Variants in TNS1 observed in about 807,000 individuals in gnomAD.
TNS1 encodes tensin 1.
Under a neutral mutation model 168.6 loss-of-function variants are expected in TNS1, and 62 were observed. That is an observed-to-expected ratio of 0.37 (90% CI 0.30 to 0.45). The LOEUF (loss-of-function observed/expected upper bound fraction) is 0.45, where lower values mean the gene tolerates loss of function less well. Among genes scored for constraint, TNS1 ranks in the 20% least tolerant of loss-of-function variants. The pLI, the probability that TNS1 is intolerant of heterozygous loss-of-function variation, is 1.00. For synonymous variants in TNS1, 934 were observed against 933.2 expected (o/e 1.00, Z -0.02); for missense variants, 2,240 against 2,339.4 (o/e 0.96, Z 0.88).
exon 1 of TNS1, chr2:218,010,205 G>A (rs969020771): frequency 1.8e-5 from 7 of 398,896 alleles, no homozygotes; most frequent in Non-Finnish European, 2.7e-5. Context: ...TGCTGACCCC[G>A]AGAGTGGGCG....
Position 217,955,575 on chromosome 2 carries a change from T to C in TNS1, c.186+23190A>G, listed in dbSNP as rs558261416. On this transcript the variant is annotated intron_variant, in intron 3 of 32. Transcript: ENST00000682258. ...CCAACACACACCCCACTGTACTGCCTCAGGCACCAAGTACTCAGTGCCTGG... is the reference window on the plus strand; with the variant it reads ...CCAACACACACCCCACTGTACTGCCCCAGGCACCAAGTACTCAGTGCCTGG... Among the ~76,000 whole-genome samples, 4 of 152,240 alleles carry C rather than the reference T, an allele frequency of 2.6e-5. No homozygotes were observed. The South Asian group carries it at 8.3e-4, about 32-fold the overall frequency.
chr2:217,944,482 A>G (rs1338347035), intron 3 of TNS1, among the ~76,000 whole-genome samples: 3 of 152,140 alleles, frequency 2.0e-5, no homozygotes, highest in East Asian at 3.9e-4. Flanking sequence ...TGATGATGAT[A>G]ATAATAATAA....
chr2:217,969,473 C>T (rs1957725721), intron 3 of TNS1, among the ~76,000 whole-genome samples: 1 of 151,806 alleles, frequency 6.6e-6, no homozygotes, highest in Admixed American at 6.6e-5. Flanking sequence ...TAGACTTCAA[C>T]TAAATTCAAA....
In TNS1 at chr2:217,848,872, C is replaced by T. The variant is rs1345027580; in HGVS notation, c.1645G>A (p.Gly549Arg). Residue 549 changes from glycine to arginine, a missense_variant, in exon 19 of 33, where the codon GGG (glycine) becomes AGG (arginine). Around this residue, in one of 2 missense-constraint regions of TNS1, gnomAD observed 2,131 missense variants for 2,171.2 expected, o/e 0.98. Coordinates refer to ENST00000682258, the MANE Select transcript of TNS1 (RefSeq NM_001387777.1). ...AAGGCAGCAGTGGCACTGGAGGCCCCGGGGACAGGCTCGTCGGTCTTGTCG... is the reference window on the plus strand; with the variant it reads ...AAGGCAGCAGTGGCACTGGAGGCCCTGGGGACAGGCTCGTCGGTCTTGTCG... ...KTDKTDEPVP[G>R]ASSATAALSP... 19 of 1,613,762 alleles carry T rather than the reference C, an allele frequency of 1.2e-5. No individual in the cohort carries two copies. Among genetic ancestry groups the T allele is most frequent in the Middle Eastern group, 1.6e-4 (1 of 6,084 alleles).
In TNS1 at chr2:217,995,375, T is replaced by G. The variant is rs796354324; in HGVS notation, c.34-4319A>C. On this transcript the variant is annotated intron_variant, in intron 1 of 32. Transcript: ENST00000682258. This position sits in a 1 kb window ranked among gnomAD's most constrained non-coding sequence, Gnocchi z 4.1. ...TTGTAAGTAGGCACCAGACATCATC[T>G]GAAGTTCAGAAGGCAAAACCAAAAC... 2.6e-5 allele frequency among the ~76,000 whole-genome samples: 4 copies of G among 152,202 alleles called. No homozygotes were observed. Among genetic ancestry groups the G allele is most frequent in the African/African-American group, 9.6e-5 (4 of 41,528 alleles).
At chr2:217,911,227 G>A (rs942819593) in intron 4 of TNS1, among the ~76,000 whole-genome samples, 1 of 152,188 alleles carries the variant, frequency 6.6e-6, no homozygotes, top group African/African-American at 2.4e-5. Flanking sequence ...CCTCCCAGGA[G>A]GGACAACTCA....
chr2:217,843,354 C>T (rs1243086218), intron 19 of TNS1, among the ~76,000 whole-genome samples: 1 of 151,982 alleles, frequency 6.6e-6, no homozygotes, highest in East Asian at 1.9e-4. Flanking sequence ...TCTCATCCTT[C>T]CTCCCCCCAT....
intron 32 of TNS1, among the ~76,000 whole-genome samples, chr2:217,805,546 CCACACACCA>C (rs1938619657): frequency 0.012 from 21 of 1,762 alleles, no homozygotes; most frequent in South Asian, 0.033. Context: ...ACACACACCA[CCACACACCA>C]CACACACCAC....
upstream of TNS1, among the ~76,000 whole-genome samples, chr2:218,014,921 AAGGC>A (rs1175728124): frequency 0.024 from 1,797 of 75,970 alleles, 41 homozygotes; most frequent in African/African-American, 0.058. Context: ...GGAAGGAAGG[AAGGC>A]AGGCAGGCAG....
intron 21 of TNS1, among the ~76,000 whole-genome samples, chr2:217,832,053 C>G (rs976743638): frequency 2.6e-5 from 4 of 152,000 alleles, no homozygotes; most frequent in African/African-American, 9.7e-5. Flanking sequence ...GATGGCACAC[C>G]CTGCAAAGGA....
chr2:217,871,711 A>T (rs1306718843), intron 18 of TNS1, among the ~76,000 whole-genome samples: 1 of 152,240 alleles, frequency 6.6e-6, no homozygotes, highest in Non-Finnish European at 1.5e-5. Context: ...CTCACTCTCA[A>T]ACCTGGAGGA....
intron 4 of TNS1, among the ~76,000 whole-genome samples, chr2:217,908,837 C>T (rs1954004432): frequency 6.6e-6 from 1 of 152,138 alleles, no homozygotes; most frequent in South Asian, 2.1e-4. Context: ...CAACCCCTCC[C>T]ACACCTCTCC....
rs1950560609 is a variant in TNS1, at chr2:217,880,219, G to A, written c.1429+679C>T. On this transcript the variant is annotated intron_variant, in intron 18 of 32. Coordinates refer to ENST00000682258, the MANE Select transcript of TNS1 (RefSeq NM_001387777.1). This position sits in a 1 kb window ranked among gnomAD's most constrained non-coding sequence, Gnocchi z 4.2. ...GACCACATAAATAAATAGAATGCATGTAGAACTCTCAAGAGACGACCTGAG... is the reference window on the plus strand; with the variant it reads ...GACCACATAAATAAATAGAATGCATATAGAACTCTCAAGAGACGACCTGAG... Among the ~76,000 whole-genome samples the A allele has an allele frequency of 6.6e-6, 1 of 152,234 alleles. No individual in the cohort carries two copies. Among genetic ancestry groups the A allele is most frequent in the Non-Finnish European group, 1.5e-5 (1 of 68,052 alleles).
At chr2:217,804,651 C>T (rs1438979276) in intron 32 of TNS1, 48 bp from the exon 33 acceptor site, 1 of 1,608,254 alleles carries the variant, frequency 6.2e-7, no homozygotes. Context: ...CAAGTGGAAC[C>T]CCAGGAGGTG....
chr2:217,996,510 C>T (rs1958473589), intron 1 of TNS1, among the ~76,000 whole-genome samples: 1 of 152,154 alleles, frequency 6.6e-6, no homozygotes, highest in Admixed American at 6.5e-5. Flanking sequence ...TCCCCCACCC[C>T]CATGCCCTAG....
intron 3 of TNS1, 83 bp downstream of exon 3, chr2:217,978,682 C>A (rs985737961): frequency 3.0e-6 from 2 of 672,094 alleles, no homozygotes; most frequent in Non-Finnish European, 5.4e-6. Flanking sequence ...GCCCCCGCCC[C>A]GCCGGCGCCC....
In TNS1 at chr2:217,804,169, T is replaced by G; in HGVS notation, c.*290A>C. On this transcript the variant is annotated 3_prime_UTR_variant, in exon 33 of 33. Coordinates refer to ENST00000682258, the MANE Select transcript of TNS1 (RefSeq NM_001387777.1). ...CCATCTTCTTAGGGGAGGGAGGGGG[T>G]GTTAGGTGGACCTGGTTAGTTTTGG... The G allele has an allele frequency of 6.1e-6, 2 of 327,616 alleles. No homozygotes were observed. The highest frequency in any genetic ancestry group is 5.6e-6 in the Non-Finnish European group (1 of 177,384). 20.3% of individuals were successfully genotyped at this position (327,616 alleles called of 1,614,324 possible).
At chr2:217,805,185 G>A (rs78909193) in intron 32 of TNS1, among the ~76,000 whole-genome samples, 6,394 of 136,894 alleles carry the variant, frequency 0.047, 436 homozygotes, top group African/African-American at 0.16. Flanking sequence ...ACCCCCACCC[G>A]CAGGACTGGA....
Position 217,848,876 on chromosome 2 carries a change from G to C in TNS1, c.1641C>G (p.Val547=), listed in dbSNP as rs777267067. The C allele has an allele frequency of 6.2e-7, 1 of 1,614,122 alleles. No homozygotes were observed. Among genetic ancestry groups the C allele is most frequent in the Admixed American group, 1.7e-5 (1 of 60,016 alleles). ...CAGCAGTGGCACTGGAGGCCCCGGG[G>C]ACAGGCTCGTCGGTCTTGTCGGTCT... is the stretch of plus-strand genomic sequence containing the variant. ...STKTDKTDEP[V]PGASSATAAL... is the part of the protein sequence containing the mutation. Residue 547 remains valine, a synonymous_variant, in exon 19 of 33, where the codon GTC becomes GTG. Transcript: ENST00000682258.
Sources: allele counts gnomAD v4.1 joint callset (sites outside exome capture counted in the v4.1 genomes callset), GRCh38; gene constraint gnomAD v4.1.1; regional missense constraint gnomAD v4.1.1; non-coding constraint Gnocchi (gnomAD v3.1); transcripts MANE v1.5; gene names NCBI Gene and HGNC (gene_info 2026-07-23, HGNC 2026-07-21).